The following ANKRD44 variants were observed in gnomAD, a reference collection of about 807,000 sequenced individuals.
ANKRD44 encodes serine/threonine-protein phosphatase 6 regulatory ankyrin repeat subunit B.
A neutral mutation model predicts 116.0 loss-of-function variants in ANKRD44; 35 were observed. The observed-to-expected ratio is 0.30, with a 90% CI of 0.23 to 0.40. ANKRD44 has a LOEUF of 0.40. Among genes scored for constraint, ANKRD44 ranks in the 10% least tolerant of loss-of-function variants. The pLI, the probability that ANKRD44 is intolerant of heterozygous loss-of-function variation, is 1.00. For missense variants in ANKRD44, 1,014 were observed against 1,242.6 expected (o/e 0.82, Z 2.77); for synonymous variants, 435 against 461.8 (o/e 0.94, Z 0.74).
intron 4 of ANKRD44, among the ~76,000 whole-genome samples, chr2:197,129,512 C>T (rs558708088): frequency 6.6e-6 from 1 of 152,136 alleles, no homozygotes; most frequent in Non-Finnish European, 1.5e-5. Flanking sequence ...GCCCAGTTAA[C>T]GTTCTGTTTT....
At chr2:197,015,111 C>T (rs2076367075) in intron 17 of ANKRD44, 1 of 239,524 alleles carries the variant, frequency 4.2e-6, no homozygotes. Context: ...GACCCCCGAA[C>T]AAAATGTTCC....
intron 16 of ANKRD44, among the ~76,000 whole-genome samples, chr2:197,046,585 G>T (rs2077004936): frequency 6.6e-6 from 1 of 151,220 alleles, no homozygotes; most frequent in Non-Finnish European, 1.5e-5. Flanking sequence ...CCATAAGCTT[G>T]CAGTGAGATG....
intron 16 of ANKRD44, among the ~76,000 whole-genome samples, chr2:197,056,440 G>A (rs1462563131): frequency 2.0e-5 from 3 of 152,134 alleles, no homozygotes; most frequent in Middle Eastern, 3.4e-3. Context: ...TTTATGGTAA[G>A]GGCATTTAAT....
intron 4 of ANKRD44, among the ~76,000 whole-genome samples, chr2:197,128,939 A>C (rs2079037278): frequency 1.3e-5 from 2 of 152,186 alleles, no homozygotes; most frequent in South Asian, 4.1e-4. Context: ...AGAATAATAA[A>C]ATGAAATAAA....
intron 1 of ANKRD44, among the ~76,000 whole-genome samples, chr2:197,309,976 A>T (rs1167552991): frequency 6.6e-6 from 1 of 151,640 alleles, no homozygotes; most frequent in African/African-American, 2.4e-5. Context: ...AGCCGACTTC[A>T]CCTCCTCCTC....
At chr2:197,182,552 C>T (rs189757046) in intron 2 of ANKRD44, among the ~76,000 whole-genome samples, 9 of 152,340 alleles carry the variant, frequency 5.9e-5, no homozygotes, top group Admixed American at 5.9e-4. Flanking sequence ...AAGGACTGGA[C>T]TAGGCGATTG....
intron 1 of ANKRD44, among the ~76,000 whole-genome samples, chr2:197,222,065 G>A (rs925036354): frequency 1.3e-5 from 2 of 152,178 alleles, no homozygotes; most frequent in African/African-American, 2.4e-5. Context: ...CTGTGATTCT[G>A]CTATAGCTAA....
intron 1 of ANKRD44, among the ~76,000 whole-genome samples, chr2:197,205,642 C>T (rs1047397865): frequency 2.0e-5 from 3 of 152,096 alleles, no homozygotes; most frequent in African/African-American, 7.2e-5. Flanking sequence ...CGATGGTGGG[C>T]CAGGCAATGC....
rs778368985 is a variant in ANKRD44, at chr2:197,125,415, C to A, written c.516G>T (p.Lys172Asn). 1 of 1,614,064 alleles carries A rather than the reference C, an allele frequency of 6.2e-7. No homozygotes were observed. Among genetic ancestry groups the A allele is most frequent in the African/African-American group, 1.3e-5 (1 of 74,940 alleles). The change falls in exon 6 of 28, where the codon AAG becomes AAT. Residue 172 changes from lysine (K) to asparagine (N), a missense_variant. Physicochemically the swap from Lys to Asn is moderately conservative, Grantham distance 94 (BLOSUM62 0). Coordinates refer to ENST00000282272, the MANE Select transcript of ANKRD44 (RefSeq NM_001195144.2). ...KGANINAFDK[K>N]DRRALHWAAY... Reference sequence around the variant, plus strand: ...CTGCCCAGTGCAGAGCACGCCGGTCCTTCTTGTCAAATGCATTGATATTTG... The same window carrying A: ...CTGCCCAGTGCAGAGCACGCCGGTCATTCTTGTCAAATGCATTGATATTTG...
intron 1 of ANKRD44, among the ~76,000 whole-genome samples, chr2:197,208,106 A>AGAG (rs1285280137): frequency 2.0e-5 from 3 of 152,222 alleles, no homozygotes; most frequent in Non-Finnish European, 4.4e-5. Context: ...CAATGCTCAA[A>AGAG]GAGAGGTCTG....
intron 1 of ANKRD44, among the ~76,000 whole-genome samples, chr2:197,242,018 A>G (rs943359882): frequency 6.6e-6 from 1 of 152,178 alleles, no homozygotes; most frequent in Non-Finnish European, 1.5e-5. Flanking sequence ...AATAGTCTAT[A>G]TATAAAAACT....
Position 197,122,686 on chromosome 2 carries a change from A to T in ANKRD44, c.657T>A (p.Ile219=). Residue 219 remains isoleucine, a synonymous_variant, in exon 7 of 28, where the codon ATT becomes ATA. Coordinates refer to ENST00000282272, the MANE Select transcript of ANKRD44 (RefSeq NM_001195144.2). Reference sequence around the variant, plus strand: ...GGTTCAGGAGATGCTTGACAACATTAATCTGTCCATTGGAGGCTGCAGCAT... The same window carrying T: ...GGTTCAGGAGATGCTTGACAACATTTATCTGTCCATTGGAGGCTGCAGCAT... The part of the protein sequence containing the change: ...PLHAAASNGQ[I]NVVKHLLNLG... 1 of 1,614,128 alleles carries T rather than the reference A, an allele frequency of 6.2e-7. No individual in the cohort carries two copies. Among genetic ancestry groups the T allele is most frequent in the Non-Finnish European group, 8.5e-7 (1 of 1,180,004 alleles).
chr2:196,994,908 G>C (rs1214502611), intron 26 of ANKRD44: 2 of 152,636 alleles, frequency 1.3e-5, no homozygotes, highest in African/African-American at 4.8e-5. Context: ...ACAGCTTTTA[G>C]ATCTTTCACA....
chr2:197,234,194 A>T (rs1022245620), intron 1 of ANKRD44, among the ~76,000 whole-genome samples: 40 of 144,430 alleles, frequency 2.8e-4, no homozygotes, highest in African/African-American at 9.9e-4. Context: ...TAAGTCATAG[A>T]TTTTTTTTTT....
intron 16 of ANKRD44, among the ~76,000 whole-genome samples, chr2:197,051,997 T>G (rs1465043022): frequency 6.6e-6 from 1 of 152,172 alleles, no homozygotes; most frequent in Non-Finnish European, 1.5e-5. Flanking sequence ...CGTTTAAACT[T>G]CGGGGTTACC....
intron 1 of ANKRD44, among the ~76,000 whole-genome samples, chr2:197,189,223 A>G (rs2080762223): frequency 6.6e-6 from 1 of 152,190 alleles, no homozygotes; most frequent in South Asian, 2.1e-4. Context: ...ATATTTCAAT[A>G]TGCCAGGAAT....
intron 18 of ANKRD44, among the ~76,000 whole-genome samples, chr2:197,012,924 T>C (rs2076325114): frequency 6.6e-6 from 1 of 152,192 alleles, no homozygotes; most frequent in Non-Finnish European, 1.5e-5. Flanking sequence ...TCTAGAAGTG[T>C]CTTGACACAG....
In ANKRD44 at chr2:197,235,156, C is replaced by T. The variant is rs1010337063; in HGVS notation, c.28-48050G>A. On this transcript the variant is annotated intron_variant, in intron 1 of 27. Transcript: ENST00000282272. Reference sequence around the variant, plus strand: ...ACAAGCATGTGAAAATCCTGGTGTGCCATAAGGAATCATCTACACATTTAA... The same window carrying T: ...ACAAGCATGTGAAAATCCTGGTGTGTCATAAGGAATCATCTACACATTTAA... Among the ~76,000 whole-genome samples the T allele has an allele frequency of 3.9e-4, 59 of 151,910 alleles. 2 individuals are homozygous for T. Among genetic ancestry groups the T allele is most frequent in the Non-Finnish European group, 2.9e-5 (2 of 67,998 alleles).
At chr2:197,050,475 T>C (rs1340927994) in intron 16 of ANKRD44, among the ~76,000 whole-genome samples, 1 of 151,498 alleles carries the variant, frequency 6.6e-6, no homozygotes, top group Non-Finnish European at 1.5e-5. Flanking sequence ...CAGGCTGGAG[T>C]GCAGGGGTGT....
Sources: gnomAD v4.1 joint callset for allele counts (sites outside exome capture counted in the v4.1 genomes callset) on GRCh38, gnomAD v4.1.1 for gene constraint, MANE v1.5 for transcripts, NCBI Gene and HGNC (gene_info 2026-07-23, HGNC 2026-07-21) for gene names.